FRAS1: variants seen among roughly 807,000 people sequenced by gnomAD.
FRAS1 encodes the protein extracellular matrix organizing protein FRAS1.
FRAS1 carries 290 observed loss-of-function variants against 435.2 expected under a neutral mutation model. The observed-to-expected ratio is 0.67, with a 90% confidence interval of 0.61 to 0.73. FRAS1 has a LOEUF of 0.73. FRAS1 is among the 30% of genes least tolerant of loss of function. FRAS1 has a pLI of 0.00. For missense variants in FRAS1, 4,860 were observed against 5,001.5 expected, an observed-to-expected ratio of 0.97 and a Z score of 0.85; for synonymous variants, 1,800 against 1,851.0, an observed-to-expected ratio of 0.97 and a Z score of 0.71.
At chr4:78,367,655 A>G (rs1472312817) in intron 22 of FRAS1, among the ~76,000 whole-genome samples, 2 of 151,664 alleles carry the variant, frequency 1.3e-5, no homozygotes, top group African/African-American at 2.4e-5. Context: ...TTTTTTCTAT[A>G]GGAACTGCTA....
chr4:78,524,369 C>G (rs1473365198), intron 69 of FRAS1, among the ~76,000 whole-genome samples: 1 of 152,172 alleles, frequency 6.6e-6, no homozygotes, highest in Non-Finnish European at 1.5e-5. Context: ...GTGAGAGATA[C>G]AGGATAATAT....
chr4:78,531,382 T>C (rs1318610392), intron 70 of FRAS1, among the ~76,000 whole-genome samples: 2 of 152,164 alleles, frequency 1.3e-5, no homozygotes, highest in East Asian at 3.8e-4. Flanking sequence ...CTACGTTGAA[T>C]AGGAGTGGTG....
Position 78,369,952 on chromosome 4 carries a change from A to C in FRAS1, c.2837A>C (p.Tyr946Ser). The C allele has an allele frequency of 6.2e-7, 1 of 1,613,668 alleles. No individual in the cohort carries two copies. The highest frequency in any genetic ancestry group is 2.2e-5 in the East Asian group (1 of 44,884). Reference sequence around the variant, plus strand: ...CAATACGAGAGCTGCGCCCCACAGTACTATCTTGACTTCTCCACCAACACG... The same window carrying C: ...CAATACGAGAGCTGCGCCCCACAGTCCTATCTTGACTTCTCCACCAACACG... ...ECQYESCAPQ[Y>S]YLDFSTNTCK... The change falls in exon 23 of 74, where the codon TAC (tyrosine) becomes TCC (serine). Residue 946 changes from tyrosine to serine, a missense_variant. By Grantham distance (144) the Tyr-to-Ser change is moderately radical. Coordinates refer to ENST00000512123, the MANE Select transcript of FRAS1 (RefSeq NM_025074.7).
intron 25 of FRAS1, among the ~76,000 whole-genome samples, chr4:78,375,166 C>T (rs1731705589): frequency 6.6e-6 from 1 of 152,132 alleles, no homozygotes; most frequent in African/African-American, 2.4e-5. Context: ...TTAATAGCTG[C>T]TCCCCTCCAG....
chr4:78,367,132 C>T (rs887082439), intron 22 of FRAS1, among the ~76,000 whole-genome samples: 3 of 152,158 alleles, frequency 2.0e-5, no homozygotes, highest in African/African-American at 7.2e-5. Flanking sequence ...AGGCCTGGCA[C>T]AGTGGCTCAC....
At chr4:78,227,895 A>G (rs1724342631) in intron 2 of FRAS1, among the ~76,000 whole-genome samples, 1 of 152,166 alleles carries the variant, frequency 6.6e-6, no homozygotes. Flanking sequence ...ATAGTTAGCA[A>G]TTCTCCAAAT....
chr4:78,093,746 T>C (rs1741648261), intron 2 of FRAS1, among the ~76,000 whole-genome samples: 1 of 152,178 alleles, frequency 6.6e-6, no homozygotes, highest in African/African-American at 2.4e-5. Context: ...TGAAAGAACA[T>C]AGTTATGAAG....
At chr4:78,488,757 C>A in intron 58 of FRAS1, 118 bp from the exon 59 acceptor site, 1 of 832,676 alleles carries the variant, frequency 1.2e-6, no homozygotes, top group Non-Finnish European at 1.9e-6. Flanking sequence ...TGTCAGCCTA[C>A]CTTGGGCTTT....
At chr4:78,263,101 T>A (rs757759383) in intron 6 of FRAS1, among the ~76,000 whole-genome samples, 1 of 152,196 alleles carries the variant, frequency 6.6e-6, no homozygotes, top group Non-Finnish European at 1.5e-5. Flanking sequence ...GTGGTCAGAA[T>A]GATAGAATTC....
intron 2 of FRAS1, among the ~76,000 whole-genome samples, chr4:78,092,597 A>C (rs963148761): frequency 6.6e-6 from 1 of 152,176 alleles, no homozygotes; most frequent in African/African-American, 2.4e-5. Flanking sequence ...CCTACAACAC[A>C]TGGAAATTAT....
At chr4:78,408,302 AT>A (rs1346423050) in intron 31 of FRAS1, among the ~76,000 whole-genome samples, 2 of 152,146 alleles carry the variant, frequency 1.3e-5, no homozygotes, top group East Asian at 3.9e-4. Flanking sequence ...GGACACTGAT[AT>A]GGATTCCATA....
chr4:78,174,753 G>A (rs922595233), intron 2 of FRAS1, among the ~76,000 whole-genome samples: 3 of 152,208 alleles, frequency 2.0e-5, no homozygotes, highest in African/African-American at 7.2e-5. Context: ...CTGGTAAGAT[G>A]GGAAGCTGAA....
At chr4:78,159,318 A>G (rs1183453271) in intron 2 of FRAS1, among the ~76,000 whole-genome samples, 1 of 152,174 alleles carries the variant, frequency 6.6e-6, no homozygotes, top group African/African-American at 2.4e-5. Context: ...GCAAATAGAA[A>G]AAGTGGGATG....
At chr4:78,301,961 A>G (rs1056229741) in intron 14 of FRAS1, among the ~76,000 whole-genome samples, 9 of 148,922 alleles carry the variant, frequency 6.0e-5, no homozygotes, top group Middle Eastern at 3.3e-3. Flanking sequence ...CCTCTAACTC[A>G]TCATTTAGCA....
intron 2 of FRAS1, among the ~76,000 whole-genome samples, chr4:78,105,036 G>C (rs746949639): frequency 6.6e-6 from 1 of 151,920 alleles, no homozygotes; most frequent in African/African-American, 2.4e-5. Flanking sequence ...CCTTTCCAGG[G>C]TTTTCCTTCC....
chr4:78,395,237 T>G (rs1348406692), intron 29 of FRAS1, among the ~76,000 whole-genome samples: 1 of 151,974 alleles, frequency 6.6e-6, no homozygotes, highest in Admixed American at 6.5e-5. Flanking sequence ...TTGATATGAT[T>G]TCAGTGTTCT....
intron 2 of FRAS1, among the ~76,000 whole-genome samples, chr4:78,206,908 C>T (rs1304966184): frequency 1.3e-5 from 2 of 152,176 alleles, no homozygotes; most frequent in Non-Finnish European, 2.9e-5. Context: ...TGGTTCCACC[C>T]TTATCAGTTG....
chr4:78,526,543 A>G lies in FRAS1; in HGVS notation c.10811A>G (p.Lys3604Arg). The G allele has an allele frequency of 1.3e-6, 2 of 1,582,508 alleles. No homozygotes were observed. The highest frequency in any genetic ancestry group is 2.3e-5 in the East Asian group (1 of 43,502). ...CAGTCTGCTCTGCATGTTTCCAGGA[A>G]GGACTACTCAGGAGAGTACACCATC... The part of the protein sequence containing the change: ...LWRATSSYNR[K>R]DYSGEYTIYL... Residue 3604 changes from lysine to arginine, a missense_variant and splice_region_variant, in exon 70 of 74, where the codon AAG becomes AGG. Coordinates refer to ENST00000512123, the MANE Select transcript of FRAS1 (RefSeq NM_025074.7).
chr4:78,150,151 G>A (rs1339101487), intron 2 of FRAS1, among the ~76,000 whole-genome samples: 1 of 152,214 alleles, frequency 6.6e-6, no homozygotes, highest in Non-Finnish European at 1.5e-5. Context: ...TCTCAGGCAG[G>A]AGGAAGGCCC....
Sources: gnomAD v4.1 joint callset for allele counts (sites outside exome capture counted in the v4.1 genomes callset) on GRCh38, gnomAD v4.1.1 for gene constraint, MANE v1.5 for transcripts, NCBI Gene and HGNC (gene_info 2026-07-23, HGNC 2026-07-21) for gene names.